The following NBEA variants were observed in gnomAD, a reference collection of about 807,000 sequenced individuals.
NBEA encodes neurobeachin, also known as lysosomal-trafficking regulator 2.
Under a neutral mutation model 343.4 loss-of-function variants are expected in NBEA, and 44 were observed. That is an observed-to-expected ratio of 0.13 (90% CI 0.10 to 0.16). The LOEUF is 0.16. Ranked by LOEUF, NBEA falls within the 10% of genes least tolerant of loss-of-function variation. The pLI is 1.00. For synonymous variants in NBEA, 1,175 were observed against 1,238.7 expected (o/e 0.95, Z 1.08); for missense variants, 2,555 against 3,631.3 (o/e 0.70, Z 7.62).
intron 16 of NBEA, among the ~76,000 whole-genome samples, chr13:35,119,543 G>A (rs1337928113): frequency 6.6e-5 from 10 of 152,048 alleles, no homozygotes; most frequent in Admixed American, 3.3e-4. Flanking sequence ...CAATCTATTT[G>A]AAGAAGATTA....
At chr13:35,457,055 T>C (rs976440376) in intron 40 of NBEA, among the ~76,000 whole-genome samples, 2 of 151,788 alleles carry the variant, frequency 1.3e-5, no homozygotes, top group African/African-American at 4.8e-5. Context: ...TGTTAATGTC[T>C]ACTAACTTAA....
intron 38 of NBEA, among the ~76,000 whole-genome samples, chr13:35,368,609 T>C (rs1363416498): frequency 6.6e-6 from 1 of 151,688 alleles, no homozygotes; most frequent in African/African-American, 2.4e-5. Flanking sequence ...TTATTGATAC[T>C]ACTATTGTTC....
chr13:35,525,317 C>T (rs1211610810), intron 41 of NBEA, among the ~76,000 whole-genome samples: 2 of 152,060 alleles, frequency 1.3e-5, no homozygotes, highest in Non-Finnish European at 2.9e-5. Flanking sequence ...TTTGGGAGGC[C>T]GAGGTGGGTG....
At chr13:35,108,534 C>T (rs2066030947) in intron 11 of NBEA, among the ~76,000 whole-genome samples, 1 of 151,906 alleles carries the variant, frequency 6.6e-6, no homozygotes, top group Admixed American at 6.6e-5. Context: ...ATTATTTCAA[C>T]ATCTATTCAA....
intron 1 of NBEA, among the ~76,000 whole-genome samples, chr13:35,007,489 CT>C (rs1025142144): frequency 7.9e-5 from 12 of 152,002 alleles, no homozygotes; most frequent in African/African-American, 2.9e-4. Flanking sequence ...AATCTTCAAT[CT>C]TTTTTTGTTT....
chr13:35,039,236 C>T (rs2062560239), intron 1 of NBEA, among the ~76,000 whole-genome samples: 1 of 147,372 alleles, frequency 6.8e-6, no homozygotes, highest in Admixed American at 6.9e-5. Flanking sequence ...CTGCTGGAGT[C>T]AGGGAGGGGT....
chr13:35,278,109 A>T (rs950490865), intron 34 of NBEA, among the ~76,000 whole-genome samples: 5 of 147,118 alleles, frequency 3.4e-5, no homozygotes, highest in Admixed American at 2.7e-4. Flanking sequence ...ATATATATAA[A>T]ATATATATAT....
intron 45 of NBEA, among the ~76,000 whole-genome samples, chr13:35,575,872 C>T (rs1401174529): frequency 6.6e-6 from 1 of 152,072 alleles, no homozygotes; most frequent in Non-Finnish European, 1.5e-5. Flanking sequence ...TCCCAGCCAC[C>T]CTAACACCCC....
intron 14 of NBEA, 146 bp downstream of exon 14, chr13:35,117,639 T>A: frequency 3.0e-6 from 1 of 335,994 alleles, no homozygotes; most frequent in Non-Finnish European, 5.3e-6. Context: ...TTCACTTTTA[T>A]TGAACTTAAC....
chr13:35,670,830 C>A (rs2153089950), intron 58 of NBEA, 71 bp from the exon 59 acceptor site: 2 of 1,017,584 alleles, frequency 2.0e-6, no homozygotes, highest in Non-Finnish European at 3.0e-6. Context: ...CTTTGAGATA[C>A]TGTCTAGTGT....
chr13:35,346,922 A>G (rs954647932), intron 36 of NBEA, among the ~76,000 whole-genome samples: 5 of 152,138 alleles, frequency 3.3e-5, no homozygotes, highest in Non-Finnish European at 7.4e-5. Context: ...CCTAAAATAA[A>G]GGAACCATTC....
intron 38 of NBEA, among the ~76,000 whole-genome samples, chr13:35,398,539 G>A (rs1032691727): frequency 9.2e-5 from 14 of 152,106 alleles, no homozygotes; most frequent in African/African-American, 3.4e-4. Context: ...GTGTTTGCAG[G>A]CATGAAAACA....
At chr13:35,442,191 C>T in intron 39 of NBEA, among the ~76,000 whole-genome samples, 1 of 151,996 alleles carries the variant, frequency 6.6e-6, no homozygotes, top group Non-Finnish European at 1.5e-5. Flanking sequence ...TAGTCTTTTT[C>T]TGTGTGTATT....
chr13:35,498,858 G>T (rs900701247), intron 41 of NBEA, among the ~76,000 whole-genome samples: 2 of 151,890 alleles, frequency 1.3e-5, no homozygotes, highest in African/African-American at 4.8e-5. Context: ...GTTATGCCTG[G>T]TACAAACGAC....
intron 1 of NBEA, among the ~76,000 whole-genome samples, chr13:35,010,530 G>A (rs143340048): frequency 0.021 from 2,943 of 141,350 alleles, 57 homozygotes; most frequent in Non-Finnish European, 0.031. Flanking sequence ...GCAGTGAGCC[G>A]AGATTGTGCC....
chr13:35,081,668 T>C (rs1461649460), intron 10 of NBEA, among the ~76,000 whole-genome samples: 1 of 152,144 alleles, frequency 6.6e-6, no homozygotes, highest in Non-Finnish European at 1.5e-5. Flanking sequence ...TTACCTTTTA[T>C]GCCAACTCAT....
At chr13:35,417,110 A>T (rs529302320) in intron 38 of NBEA, among the ~76,000 whole-genome samples, 10 of 152,086 alleles carry the variant, frequency 6.6e-5, no homozygotes, top group African/African-American at 2.4e-4. Context: ...TATTGCATCT[A>T]TTTGATTCTT....
At chr13:35,438,053 G>T (rs2045536787) in intron 39 of NBEA, among the ~76,000 whole-genome samples, 1 of 151,974 alleles carries the variant, frequency 6.6e-6, no homozygotes, top group Non-Finnish European at 1.5e-5. Context: ...TGTGATCAAA[G>T]ACAGCATCTT....
chr13:35,238,309 G>A (rs77729620), intron 34 of NBEA, among the ~76,000 whole-genome samples: 5,088 of 152,176 alleles, frequency 0.033, 172 homozygotes, highest in East Asian at 0.14. Context: ...AAATATAGTT[G>A]ATCTTCAGGC....
Sources: gnomAD v4.1 joint callset for allele counts (sites outside exome capture counted in the v4.1 genomes callset) on GRCh38, gnomAD v4.1.1 for gene constraint, MANE v1.5 for transcripts, NCBI Gene and HGNC (gene_info 2026-07-23, HGNC 2026-07-21) for gene names.